ODF2: variants seen among roughly 807,000 people sequenced by gnomAD.
The protein encoded by ODF2 is outer dense fiber of sperm tails 2.
In ODF2, 47 loss-of-function variants were observed where a neutral mutation model predicts 110.2. That is an observed-to-expected ratio of 0.43 (90% CI 0.34 to 0.54). The LOEUF (loss-of-function observed/expected upper bound fraction) is 0.54. Ranked by LOEUF, ODF2 falls within the 20% of genes least tolerant of loss-of-function variation. The pLI, the probability that ODF2 is intolerant of heterozygous loss-of-function variation, is 0.03. For synonymous variants in ODF2, 352 were observed against 397.7 expected (o/e 0.89, Z 1.37); for missense variants, 812 against 1,054.5 (o/e 0.77, Z 3.19).
chr9:128,488,098 G>C (rs1843758090), intron 14 of ODF2, 73 bp downstream of exon 14: 5 of 1,550,074 alleles, frequency 3.2e-6, no homozygotes, highest in Non-Finnish European at 4.4e-6. Flanking sequence ...TGTCTTACGT[G>C]GGCCTGGGGG....
chr9:128,498,253 G>A (rs758933305), intron 18 of ODF2, 160 bp from the exon 19 acceptor site: 87 of 1,117,716 alleles, frequency 7.8e-5, no homozygotes, highest in African/African-American at 1.6e-4. Context: ...TTCTTTGGTC[G>A]CCTTGCTGAT....
chr9:128,500,242 C>G (rs1846321963), exon 21 of ODF2: 1 of 1,614,084 alleles, frequency 6.2e-7, no homozygotes. Flanking sequence ...CGCTCCCGAT[C>G]TCCTCCTGCC....
chr9:128,487,679 C>T (rs1219704359), intron 13 of ODF2, among the ~76,000 whole-genome samples: 3 of 151,912 alleles, frequency 2.0e-5, no homozygotes, highest in Non-Finnish European at 2.9e-5. Flanking sequence ...CCCAGCTACT[C>T]GGGAGGCTGA....
At chr9:128,484,351 G>A (rs1298955420) in intron 11 of ODF2, among the ~76,000 whole-genome samples, 2 of 152,280 alleles carry the variant, frequency 1.3e-5, no homozygotes, top group East Asian at 3.9e-4. Flanking sequence ...GGAAAGGGAT[G>A]GTCTCTTTGT....
chr9:128,464,411 C>T (rs1196019307), intron 4 of ODF2, among the ~76,000 whole-genome samples: 1 of 152,170 alleles, frequency 6.6e-6, no homozygotes, highest in Non-Finnish European at 1.5e-5. Context: ...GCCTTGGCCT[C>T]CCAAAGTGCT....
intron 1 of ODF2, 141 bp downstream of exon 1, chr9:128,456,396 T>A (rs1834787856): frequency 1.4e-6 from 2 of 1,448,428 alleles, no homozygotes; most frequent in East Asian, 5.7e-5. Context: ...GTCCCCCTCC[T>A]GTCAGAACCT....
chr9:128,491,127 C>T (rs1844462497), intron 14 of ODF2, among the ~76,000 whole-genome samples: 1 of 151,764 alleles, frequency 6.6e-6, no homozygotes, highest in Admixed American at 6.6e-5. Flanking sequence ...TCGCTGCAAC[C>T]TCCACCTCCC....
At position 128,482,919 on chromosome 9, in the gene ODF2, C is replaced by T. The variant is rs371245201; in HGVS notation, c.987+32C>T. ...TGCTTTTTTTTTTTTTTTTTTTAGA[C>T]GGAGTCTCGCTCTGTCGCCAGGCTG... On this transcript the variant is annotated intron_variant, in intron 10 of 20. Transcript: ENST00000604420. The T allele has an allele frequency of 6.1e-5, 85 of 1,382,252 alleles. No individual in the cohort carries two copies. In the African/African-American group the frequency reaches 8.0e-4, roughly 13 times the overall value. The allele number at this position is 1,382,252 out of a possible 1,614,324, so 85.6% of individuals were successfully genotyped here.
At chr9:128,465,206 C>T (rs1359923902) in intron 4 of ODF2, among the ~76,000 whole-genome samples, 1 of 152,212 alleles carries the variant, frequency 6.6e-6, no homozygotes, top group Non-Finnish European at 1.5e-5. Flanking sequence ...TGCTTTCATT[C>T]TTGTGTCTGC....
At chr9:128,486,247 A>G (rs562560904) in intron 13 of ODF2, among the ~76,000 whole-genome samples, 2 of 152,270 alleles carry the variant, frequency 1.3e-5, no homozygotes, top group Admixed American at 1.3e-4. Flanking sequence ...TACTGTATTC[A>G]ACTCAACTTA....
chr9:128,495,798 A>G (rs1196005172), intron 17 of ODF2, among the ~76,000 whole-genome samples: 2 of 152,106 alleles, frequency 1.3e-5, no homozygotes, highest in Admixed American at 6.6e-5. Flanking sequence ...TGATCGAGAA[A>G]GCATCTTTGT....
chr9:128,487,820 C>T, intron 13 of ODF2, 70 bp from the exon 14 acceptor site: 2 of 1,548,572 alleles, frequency 1.3e-6, no homozygotes, highest in Admixed American at 1.7e-5. Flanking sequence ...CACACACACA[C>T]ACACACACAC....
intron 4 of ODF2, among the ~76,000 whole-genome samples, chr9:128,462,176 G>A (rs566077485): frequency 2.0e-5 from 3 of 148,884 alleles, no homozygotes; most frequent in South Asian, 4.2e-4. Flanking sequence ...ATGGAGTTTC[G>A]CTCTTGTTGC....
intron 13 of ODF2, among the ~76,000 whole-genome samples, chr9:128,486,015 CATT>C (rs763281612): frequency 2.6e-5 from 4 of 152,170 alleles, no homozygotes; most frequent in Non-Finnish European, 5.9e-5. Context: ...ACCATTCCAT[CATT>C]CTCCTTTTTT....
Position 128,494,585 on chromosome 9 carries a change from C to A in ODF2, c.1828C>A (p.Leu610Met). Residue 610 changes from leucine (L) to methionine (M), a missense_variant, in exon 17 of 21, where the codon CTG becomes ATG. Transcript: ENST00000604420. This position sits in a 1 kb window ranked among gnomAD's most constrained non-coding sequence, Gnocchi z 4.6. ...CATCCTGAAGATCACGGAGGCGAAG[C>A]TGGCTGAGTGCCAAGACCAACTGCA... The A allele has an allele frequency of 6.2e-7, 1 of 1,614,202 alleles. No homozygotes were observed.
At chr9:128,467,390 G>A (rs1018906225) in intron 4 of ODF2, among the ~76,000 whole-genome samples, 7 of 151,944 alleles carry the variant, frequency 4.6e-5, no homozygotes, top group African/African-American at 1.7e-4. Context: ...GCACATGACT[G>A]TTTATACATT....
At chr9:128,460,843 G>T in intron 3 of ODF2, 99 bp from the exon 4 acceptor site, 1 of 1,556,254 alleles carries the variant, frequency 6.4e-7, no homozygotes. Context: ...AGTAACATTA[G>T]TCAGAAGAGG....
At chr9:128,459,657 G>A (rs769427069) in exon 3 of ODF2, 27 of 1,610,232 alleles carry the variant, frequency 1.7e-5, no homozygotes, top group South Asian at 1.1e-5. Flanking sequence ...TAACTGTGAC[G>A]GTAGGTGATG....
intron 4 of ODF2, among the ~76,000 whole-genome samples, chr9:128,465,488 A>C (rs1216624053): frequency 6.6e-6 from 1 of 152,180 alleles, no homozygotes; most frequent in Non-Finnish European, 1.5e-5. Context: ...CACGCCTGTA[A>C]TCTCAGCACT....
Sources: allele counts gnomAD v4.1 joint callset (sites outside exome capture counted in the v4.1 genomes callset), GRCh38; gene constraint gnomAD v4.1.1; non-coding constraint Gnocchi (gnomAD v3.1); transcripts MANE v1.5; gene names NCBI Gene and HGNC (gene_info 2026-07-23, HGNC 2026-07-21).